Variants in RPIA observed in about 807,000 individuals in gnomAD.
RPIA encodes ribose 5-phosphate isomerase A, also known as ribose-5-phosphate isomerase.
RPIA carries 29 observed loss-of-function variants against 37.8 expected under a neutral mutation model. The ratio of observed to expected loss-of-function variants is 0.77; its 90% CI spans 0.57 to 1.05. RPIA has a LOEUF of 1.05. RPIA is among the 50% of genes least tolerant of loss of function. The probability of loss-of-function intolerance (pLI) is 0.00; values close to 1 mark genes in which losing one functional copy is unlikely to be tolerated. For synonymous variants in RPIA, 167 were observed against 157.0 expected (o/e 1.06, Z -0.48); for missense variants, 385 against 413.6 (o/e 0.93, Z 0.60).
chr2:88,747,737 T>C (rs1436200845), intron 8 of RPIA, among the ~76,000 whole-genome samples: 2 of 152,202 alleles, frequency 1.3e-5, no homozygotes, highest in African/African-American at 4.8e-5. Flanking sequence ...GTGATCTGGA[T>C]TTTTCAGGTT....
chr2:88,744,609 A>G (rs1010214345), intron 8 of RPIA, among the ~76,000 whole-genome samples: 8 of 152,304 alleles, frequency 5.3e-5, no homozygotes, highest in African/African-American at 1.9e-4. Context: ...GTCTCCCACT[A>G]TTATTGTATT....
intron 1 of RPIA, among the ~76,000 whole-genome samples, chr2:88,694,877 T>C (rs1349378726): frequency 3.3e-5 from 5 of 151,756 alleles, no homozygotes; most frequent in Non-Finnish European, 7.4e-5. Context: ...CCCCAGTCAG[T>C]CTGCTAGTAT....
intron 3 of RPIA, among the ~76,000 whole-genome samples, chr2:88,729,005 TTC>T (rs1673231255): frequency 6.6e-6 from 1 of 152,216 alleles, no homozygotes; most frequent in Non-Finnish European, 1.5e-5. Context: ...TGCCGTGGCA[TTC>T]TCTTTCATCA....
intron 8 of RPIA, among the ~76,000 whole-genome samples, chr2:88,743,918 AT>A (rs1405566074): frequency 7.2e-5 from 11 of 151,960 alleles, no homozygotes; most frequent in African/African-American, 2.7e-4. Flanking sequence ...TTCTTGGTTA[AT>A]CTCACTAATG....
chr2:88,715,119 T>C (rs1673017420), intron 3 of RPIA, among the ~76,000 whole-genome samples: 1 of 152,198 alleles, frequency 6.6e-6, no homozygotes, highest in South Asian at 2.1e-4. Context: ...GGTTTAACCA[T>C]AGGGCCACCA....
chr2:88,713,231 A>G (rs770692677), intron 3 of RPIA, among the ~76,000 whole-genome samples: 2 of 126,786 alleles, frequency 1.6e-5, no homozygotes, highest in Non-Finnish European at 1.5e-5. Flanking sequence ...GTGCAATCTC[A>G]GTTCACTGCA....
chr2:88,748,369 G>C (rs964573924), intron 8 of RPIA, among the ~76,000 whole-genome samples: 5 of 152,138 alleles, frequency 3.3e-5, no homozygotes, highest in African/African-American at 1.2e-4. Context: ...ATCACCACTA[G>C]TGGTCATTTA....
intron 3 of RPIA, among the ~76,000 whole-genome samples, chr2:88,708,677 T>C (rs896613831): frequency 6.6e-6 from 1 of 152,188 alleles, no homozygotes; most frequent in African/African-American, 2.4e-5. Flanking sequence ...CCAAGAGAAG[T>C]TGCTCTTGGG....
intron 8 of RPIA, among the ~76,000 whole-genome samples, chr2:88,744,281 A>G (rs2104147544): frequency 2.0e-5 from 3 of 152,370 alleles, no homozygotes; most frequent in African/African-American, 4.8e-5. Flanking sequence ...ATTCAGGAGC[A>G]GATTATTTAA....
At chr2:88,730,358 A>T (rs1458406559) in intron 4 of RPIA, among the ~76,000 whole-genome samples, 3 of 106,062 alleles carry the variant, frequency 2.8e-5, no homozygotes, top group African/African-American at 7.6e-5. Context: ...CCAGTTGCAC[A>T]TCAAAAAGCT....
intron 3 of RPIA, among the ~76,000 whole-genome samples, chr2:88,702,544 A>G (rs1672844938): frequency 1.3e-5 from 2 of 152,388 alleles, no homozygotes; most frequent in Admixed American, 1.3e-4. Context: ...CAACCTTGAT[A>G]AAACCATCAG....
chr2:88,724,071 G>A (rs1673166906), intron 3 of RPIA, among the ~76,000 whole-genome samples: 1 of 152,152 alleles, frequency 6.6e-6, no homozygotes, highest in African/African-American at 2.4e-5. Context: ...TTTGCCCTAA[G>A]CAGTTCCCAC....
chr2:88,699,970 G>A (rs558743452), intron 2 of RPIA, 39 bp from the exon 3 acceptor site: 2 of 1,605,106 alleles, frequency 1.2e-6, no homozygotes, highest in South Asian at 1.1e-5. Context: ...ATAAAGTAAG[G>A]AGAGTGAAAA....
intron 1 of RPIA, among the ~76,000 whole-genome samples, chr2:88,695,576 A>C (rs1210788267): frequency 6.6e-6 from 1 of 152,202 alleles, no homozygotes; most frequent in Non-Finnish European, 1.5e-5. Context: ...CATTCCTTGA[A>C]GATTTTTATA....
intron 3 of RPIA, among the ~76,000 whole-genome samples, chr2:88,709,935 G>T (rs1327256905): frequency 6.6e-6 from 1 of 152,176 alleles, no homozygotes; most frequent in Non-Finnish European, 1.5e-5. Context: ...CTCGTCCTGG[G>T]GGACTAAACT....
chr2:88,740,468 C>T (rs568226310), intron 8 of RPIA, among the ~76,000 whole-genome samples: 3 of 152,300 alleles, frequency 2.0e-5, no homozygotes, highest in South Asian at 2.1e-4. Context: ...ATTAGATTCA[C>T]GGCTGGACCA....
intron 3 of RPIA, among the ~76,000 whole-genome samples, chr2:88,722,173 TA>T (rs1558695140): frequency 6.6e-6 from 1 of 151,946 alleles, no homozygotes; most frequent in East Asian, 1.9e-4. Context: ...CCTTTTTTTT[TA>T]TAGCTTTCTT....
rs188862738 is a variant in RPIA at position 88,750,238 on chromosome 2, A to T, written c.*160A>T. 139 of 585,764 alleles carry T rather than the reference A, an allele frequency of 2.4e-4. No individual in the cohort carries two copies. The African/African-American group carries it at 2.4e-3, about 10-fold the overall frequency. 36.3% of individuals were successfully genotyped at this position (585,764 alleles called of 1,614,324 possible). A position where few individuals can be genotyped will look rare whatever the true frequency, so the allele number is the denominator to read the frequency against. Reference sequence around the variant, plus strand: ...GGGGGAGTTAAATCCAGTCTTATGAAGTATTGTTATTAAATGTCTTTTTAA... The same window carrying T: ...GGGGGAGTTAAATCCAGTCTTATGATGTATTGTTATTAAATGTCTTTTTAA... On this transcript the variant is annotated 3_prime_UTR_variant, in exon 9 of 9. Transcript: ENST00000283646.
rs747317719 is a variant in RPIA at position 88,700,002 on chromosome 2, T to C, written c.347-7T>C. 3.7e-6 allele frequency: 6 copies of C among 1,614,080 alleles called. No individual in the cohort carries two copies. The highest frequency in any genetic ancestry group is 5.1e-6 in the Non-Finnish European group (6 of 1,180,016). Reference sequence around the variant, plus strand: ...AAAAACTGCCAATATGGCTTTTGTTTCCACAGCTGAAAGGGTGAAGCAAGA... The same window carrying C: ...AAAAACTGCCAATATGGCTTTTGTTCCCACAGCTGAAAGGGTGAAGCAAGA... On this transcript the variant is annotated splice_region_variant and splice_polypyrimidine_tract_variant and intron_variant, in intron 2 of 8. Transcript: ENST00000283646.
Sources: gnomAD v4.1 joint callset for allele counts (sites outside exome capture counted in the v4.1 genomes callset) on GRCh38, gnomAD v4.1.1 for gene constraint, MANE v1.5 for transcripts, NCBI Gene and HGNC (gene_info 2026-07-23, HGNC 2026-07-21) for gene names.